FGF12: variants seen among roughly 807,000 people sequenced by gnomAD.
The protein encoded by FGF12 is fibroblast growth factor 12, also known as fibroblast growth factor 12B.
Under a neutral mutation model 23.6 loss-of-function variants are expected in FGF12, and 14 were observed. That is an observed-to-expected ratio of 0.59 (90% CI 0.39 to 0.93). The LOEUF (loss-of-function observed/expected upper bound fraction) is 0.93, where lower values mean the gene tolerates loss of function less well. FGF12 is among the 40% of genes least tolerant of loss of function. The pLI is 0.00. For missense variants in FGF12, 175 were observed against 217.8 expected (o/e 0.80, Z 1.24); for synonymous variants, 62 against 77.3 (o/e 0.80, Z 1.04).
intron 2 of FGF12, among the ~76,000 whole-genome samples, chr3:192,591,866 TG>T (rs1301215365): frequency 6.6e-6 from 1 of 151,794 alleles, no homozygotes; most frequent in African/African-American, 2.4e-5. Context: ...GAGGGAAAGC[TG>T]GGACTAGATT....
At chr3:192,686,379 G>A (rs370987227) in intron 2 of FGF12, among the ~76,000 whole-genome samples, 1 of 152,062 alleles carries the variant, frequency 6.6e-6, no homozygotes, top group Non-Finnish European at 1.5e-5. Context: ...TGATCTTAGC[G>A]AGGAGAGTCA....
chr3:192,376,609 G>A (rs1406119092), intron 2 of FGF12, among the ~76,000 whole-genome samples: 4 of 152,118 alleles, frequency 2.6e-5, no homozygotes, highest in Admixed American at 6.5e-5. Context: ...TGATCTGCCT[G>A]CCTTGGCCTC....
At chr3:192,250,041 CTTA>C (rs1711901668) in intron 4 of FGF12, among the ~76,000 whole-genome samples, 2 of 152,228 alleles carry the variant, frequency 1.3e-5, no homozygotes, top group African/African-American at 4.8e-5. Context: ...TTAAAACAAC[CTTA>C]TTATCGATTC....
chr3:192,302,544 G>A (rs1560060237), intron 4 of FGF12, among the ~76,000 whole-genome samples: 1 of 152,104 alleles, frequency 6.6e-6, no homozygotes, highest in Non-Finnish European at 1.5e-5. Flanking sequence ...TTTAAGGAGG[G>A]GTGTTTACTA....
At chr3:192,341,526 T>C (rs925967590) in intron 3 of FGF12, among the ~76,000 whole-genome samples, 6 of 152,200 alleles carry the variant, frequency 3.9e-5, no homozygotes, top group African/African-American at 7.2e-5. Context: ...TGTTGTGGTA[T>C]ATTTTCTCAG....
intron 2 of FGF12, among the ~76,000 whole-genome samples, chr3:192,593,225 T>C (rs1474359344): frequency 1.3e-5 from 2 of 151,858 alleles, no homozygotes; most frequent in Non-Finnish European, 2.9e-5. Context: ...CTCTTTTGCC[T>C]CAGGCCTCTG....
At chr3:192,161,090 G>T (rs1714843038) in intron 5 of FGF12, among the ~76,000 whole-genome samples, 1 of 152,006 alleles carries the variant, frequency 6.6e-6, no homozygotes, top group Non-Finnish European at 1.5e-5. Context: ...TGTATATATG[G>T]TGCATTATAG....
chr3:192,567,733 G>GTCTC (rs1378922074), intron 2 of FGF12, among the ~76,000 whole-genome samples: 8 of 141,122 alleles, frequency 5.7e-5, no homozygotes, highest in African/African-American at 1.0e-4. Flanking sequence ...TTCTCCATGT[G>GTCTC]TCTCTTTCTT....
intron 3 of FGF12, among the ~76,000 whole-genome samples, chr3:192,354,441 A>C (rs1331970863): frequency 2.6e-5 from 4 of 151,512 alleles, no homozygotes; most frequent in Admixed American, 6.5e-5. Context: ...AAAATAAACA[A>C]AAAAGAATAA....
chr3:192,699,506 G>A (rs1278882411), intron 2 of FGF12, among the ~76,000 whole-genome samples: 1 of 152,112 alleles, frequency 6.6e-6, no homozygotes, highest in South Asian at 2.1e-4. Context: ...TATAAAAGAA[G>A]AGCACAATGA....
At position 192,643,545 on chromosome 3, in the gene FGF12, T is replaced by C. The variant is rs1348376987; in HGVS notation, c.13+83636A>G. On this transcript the variant is annotated intron_variant, in intron 2 of 5. Coordinates refer to ENST00000445105, the MANE Select transcript of FGF12 (RefSeq NM_004113.6). Reference sequence around the variant, plus strand: ...TACTCCCAAACCAGCCATGTTGTATTACACTATTTTTCCTTGTTCTTTTAA... The same window carrying C: ...TACTCCCAAACCAGCCATGTTGTATCACACTATTTTTCCTTGTTCTTTTAA... 2.6e-5 allele frequency among the ~76,000 whole-genome samples: 4 copies of C among 152,206 alleles called. No homozygotes were observed. In the South Asian group the frequency reaches 6.2e-4, roughly 24 times the overall value.
chr3:192,540,826 G>A (rs559183879), intron 2 of FGF12, among the ~76,000 whole-genome samples: 2 of 152,146 alleles, frequency 1.3e-5, no homozygotes, highest in East Asian at 1.9e-4. Context: ...CCAGTATTGG[G>A]TACATATATA....
intron 2 of FGF12, among the ~76,000 whole-genome samples, chr3:192,623,121 G>T (rs938953825): frequency 6.6e-6 from 1 of 152,156 alleles, no homozygotes; most frequent in African/African-American, 2.4e-5. Context: ...AGAGGTTATG[G>T]TAGATAAAGA....
chr3:192,334,694 A>G (rs1000175876), intron 4 of FGF12, among the ~76,000 whole-genome samples: 1 of 152,156 alleles, frequency 6.6e-6, no homozygotes, highest in Admixed American at 6.6e-5. Flanking sequence ...GATTTGAAAG[A>G]CATGATACAA....
intron 2 of FGF12, among the ~76,000 whole-genome samples, chr3:192,361,437 G>C (rs1318965483): frequency 6.6e-6 from 1 of 152,000 alleles, no homozygotes; most frequent in Non-Finnish European, 1.5e-5. Context: ...TGCCCTTATA[G>C]CTCTAATTAT....
intron 2 of FGF12, among the ~76,000 whole-genome samples, chr3:192,362,312 T>C (rs1042086185): frequency 6.6e-6 from 1 of 152,226 alleles, no homozygotes; most frequent in African/African-American, 2.4e-5. Flanking sequence ...TATGTATACA[T>C]GTGCCATGCT....
intron 4 of FGF12, among the ~76,000 whole-genome samples, chr3:192,173,840 G>A (rs2108623902): frequency 6.6e-6 from 1 of 152,328 alleles, no homozygotes; most frequent in East Asian, 1.9e-4. Flanking sequence ...CCTTATGAAT[G>A]TACATCACAG....
At chr3:192,262,316 T>G (rs1273420927) in intron 4 of FGF12, among the ~76,000 whole-genome samples, 2 of 152,136 alleles carry the variant, frequency 1.3e-5, no homozygotes, top group Non-Finnish European at 2.9e-5. Flanking sequence ...TTGTAAGAGA[T>G]TCAAAAACAC....
At chr3:192,210,785 G>C (rs530807780) in intron 4 of FGF12, among the ~76,000 whole-genome samples, 2 of 152,326 alleles carry the variant, frequency 1.3e-5, no homozygotes, top group Non-Finnish European at 2.9e-5. Context: ...TGGAGGAAAT[G>C]AGTGCTATTA....
Sources: gnomAD v4.1 joint callset for allele counts (sites outside exome capture counted in the v4.1 genomes callset) on GRCh38, gnomAD v4.1.1 for gene constraint, MANE v1.5 for transcripts, NCBI Gene and HGNC (gene_info 2026-07-23, HGNC 2026-07-21) for gene names.